The following TTC23 variants were observed in gnomAD, a reference collection of about 807,000 sequenced individuals.
TTC23 encodes tetratricopeptide repeat protein 23.
Under a neutral mutation model 55.1 loss-of-function variants are expected in TTC23, and 58 were observed. The observed-to-expected ratio is 1.05, with a 90% CI of 0.85 to 1.31. The LOEUF is 1.31. Among genes scored for constraint, TTC23 ranks in the 50% most tolerant of loss-of-function variants. The probability of loss-of-function intolerance (pLI) is 0.00; values close to 1 mark genes in which losing one functional copy is unlikely to be tolerated. For missense variants in TTC23, 516 were observed against 534.4 expected (o/e 0.97, Z 0.34); for synonymous variants, 203 against 199.9 (o/e 1.02, Z -0.13).
intron 5 of TTC23, 59 bp downstream of exon 5, chr15:99,228,474 T>G: frequency 7.0e-7 from 1 of 1,423,766 alleles, no homozygotes; most frequent in Non-Finnish European, 9.4e-7. Flanking sequence ...CTACTTCTCT[T>G]GATTATACCA....
intron 10 of TTC23, among the ~76,000 whole-genome samples, chr15:99,171,602 C>T (rs1033600470): frequency 4.9e-5 from 6 of 122,298 alleles, no homozygotes; most frequent in Admixed American, 1.1e-4. Context: ...CTCGCTCTGT[C>T]GCCAGGCTGT....
rs200114237 is a variant in TTC23, at chr15:99,202,291, T to C, written c.582-2195A>G. 7.2e-5 allele frequency among the ~76,000 whole-genome samples: 11 copies of C among 152,180 alleles called. 1 individual carries two copies. In the East Asian group the frequency reaches 2.1e-3, roughly 29 times the overall value. On this transcript the variant is annotated intron_variant, in intron 8 of 13. Transcript: ENST00000394132. Reference sequence around the variant, plus strand: ...GGGATATTTGAGAGAAGGAAAAAAATATTCATCTTTTTCCTCGTCATGTTC... The same window carrying C: ...GGGATATTTGAGAGAAGGAAAAAAACATTCATCTTTTTCCTCGTCATGTTC...
intron 13 of TTC23, among the ~76,000 whole-genome samples, chr15:99,138,489 T>C (rs145311657): frequency 6.6e-6 from 1 of 152,278 alleles, no homozygotes; most frequent in East Asian, 1.9e-4. Context: ...AATTTTTGTA[T>C]TTTTAGTAGA....
intron 9 of TTC23, among the ~76,000 whole-genome samples, chr15:99,188,259 T>TAC (rs1189116572): frequency 6.6e-6 from 1 of 152,082 alleles, no homozygotes; most frequent in Non-Finnish European, 1.5e-5. Context: ...ACATACTGTA[T>TAC]GATTCTGTTT....
At chr15:99,159,186 AC>A (rs991520510) in intron 11 of TTC23, 3 of 152,362 alleles carry the variant, frequency 2.0e-5, no homozygotes, top group African/African-American at 7.2e-5. Context: ...CATCAGTGAC[AC>A]TGAGCATTGG....
intron 13 of TTC23, among the ~76,000 whole-genome samples, chr15:99,138,363 G>C (rs1408302185): frequency 6.6e-6 from 1 of 151,668 alleles, no homozygotes; most frequent in Non-Finnish European, 1.5e-5. Flanking sequence ...ACCCAGGCTG[G>C]AGTGCAGTGG....
At chr15:99,190,295 T>TG (rs988494192) in intron 9 of TTC23, among the ~76,000 whole-genome samples, 2 of 149,548 alleles carry the variant, frequency 1.3e-5, no homozygotes, top group African/African-American at 4.9e-5. Context: ...TTTTTTTAGA[T>TG]GGAGTCTTGC....
At chr15:99,202,594 G>A (rs1406862945) in intron 8 of TTC23, among the ~76,000 whole-genome samples, 1 of 152,164 alleles carries the variant, frequency 6.6e-6, no homozygotes, top group Non-Finnish European at 1.5e-5. Flanking sequence ...TTGTTAATAG[G>A]TGAAGACCAC....
At chr15:99,218,369 G>A (rs548746414) in intron 8 of TTC23, among the ~76,000 whole-genome samples, 1 of 152,218 alleles carries the variant, frequency 6.6e-6, no homozygotes, top group East Asian at 1.9e-4. Flanking sequence ...TCAGAACTCT[G>A]GGACCCAGGG....
chr15:99,246,711 G>C (rs867996645), intron 1 of TTC23, among the ~76,000 whole-genome samples: 2 of 151,812 alleles, frequency 1.3e-5, no homozygotes, highest in Non-Finnish European at 1.5e-5. Flanking sequence ...ACGAGTTCAG[G>C]AGTTCGAGAC....
At chr15:99,240,748 G>A (rs900542703) in intron 3 of TTC23, among the ~76,000 whole-genome samples, 1 of 152,176 alleles carries the variant, frequency 6.6e-6, no homozygotes, top group Non-Finnish European at 1.5e-5. Context: ...TAATTTTCCT[G>A]GCCAACACCA....
intron 9 of TTC23, among the ~76,000 whole-genome samples, chr15:99,198,795 CA>C (rs2075958664): frequency 6.6e-6 from 1 of 152,086 alleles, no homozygotes; most frequent in South Asian, 2.1e-4. Flanking sequence ...AATTGTCAGA[CA>C]AATTAAAATA....
chr15:99,240,949 G>C (rs2079734847), intron 3 of TTC23, among the ~76,000 whole-genome samples: 1 of 152,200 alleles, frequency 6.6e-6, no homozygotes, highest in African/African-American at 2.4e-5. Flanking sequence ...AGAGGCATTT[G>C]AGTCTGTGGC....
At chr15:99,232,729 G>A (rs1389375123) in intron 4 of TTC23, among the ~76,000 whole-genome samples, 1 of 152,090 alleles carries the variant, frequency 6.6e-6, no homozygotes, top group Non-Finnish European at 1.5e-5. Context: ...ACACAGTAAG[G>A]AAGTTTCTCA....
intron 2 of TTC23, among the ~76,000 whole-genome samples, chr15:99,244,422 C>G (rs941155067): frequency 6.6e-6 from 1 of 152,014 alleles, no homozygotes; most frequent in African/African-American, 2.4e-5. Context: ...ATCGCCCCCC[C>G]CAATTAGAAC....
At chr15:99,203,123 T>C (rs2076329842) in intron 8 of TTC23, among the ~76,000 whole-genome samples, 1 of 151,892 alleles carries the variant, frequency 6.6e-6, no homozygotes, top group Non-Finnish European at 1.5e-5. Flanking sequence ...ATAGGCAAAA[T>C]CAGAGAAACT....
intron 3 of TTC23, among the ~76,000 whole-genome samples, chr15:99,239,073 T>C (rs574544892): frequency 3.9e-5 from 6 of 152,168 alleles, no homozygotes; most frequent in Non-Finnish European, 5.9e-5. Flanking sequence ...AAAGCTTATA[T>C]AGCACAAAAA....
intron 8 of TTC23, among the ~76,000 whole-genome samples, chr15:99,211,218 T>C (rs1036121667): frequency 1.3e-5 from 2 of 151,110 alleles, no homozygotes; most frequent in African/African-American, 4.9e-5. Context: ...CTACTAAAAA[T>C]ACAAAAATTA....
At chr15:99,229,078 A>G (rs2078720958) in intron 4 of TTC23, among the ~76,000 whole-genome samples, 1 of 148,580 alleles carries the variant, frequency 6.7e-6, no homozygotes, top group South Asian at 2.1e-4. Flanking sequence ...ATGTATTTGT[A>G]TGTACATATA....
Sources: allele counts gnomAD v4.1 joint callset (sites outside exome capture counted in the v4.1 genomes callset), GRCh38; gene constraint gnomAD v4.1.1; transcripts MANE v1.5; gene names NCBI Gene and HGNC (gene_info 2026-07-23, HGNC 2026-07-21).